The following ZNF280D variants were observed in gnomAD, a reference collection of about 807,000 sequenced individuals.
The protein encoded by ZNF280D is suppressor of hairy wing homolog 4.
Under a neutral mutation model 94.7 loss-of-function variants are expected in ZNF280D, and 39 were observed. That is an observed-to-expected ratio of 0.41 (90% CI 0.32 to 0.54). The LOEUF (loss-of-function observed/expected upper bound fraction) is 0.54. Among genes scored for constraint, ZNF280D ranks in the 20% least tolerant of loss-of-function variants. ZNF280D has a pLI of 0.22. For missense variants in ZNF280D, 1,090 were observed against 1,149.3 expected (o/e 0.95, Z 0.75); for synonymous variants, 398 against 377.6 (o/e 1.05, Z -0.63).
rs189064845 is a variant in ZNF280D at position 56,665,365 on chromosome 15, C to T, written c.1994+1030G>A. On this transcript the variant is annotated intron_variant, in intron 16 of 21. Transcript: ENST00000267807. ...TTTGCCTACTTAAAAAAAATACAAACCCATTCTGAAGGAATAAAGTATTCC... is the reference window on the plus strand; with the variant it reads ...TTTGCCTACTTAAAAAAAATACAAATCCATTCTGAAGGAATAAAGTATTCC... Among the ~76,000 whole-genome samples, 1,177 of 152,126 alleles carry T rather than the reference C, an allele frequency of 7.7e-3. 6 individuals are homozygous for T. The highest frequency in any genetic ancestry group is 0.013 in the Non-Finnish European group (885 of 67,994).
intron 6 of ZNF280D, among the ~76,000 whole-genome samples, chr15:56,695,671 A>C (rs2056706450): frequency 6.6e-6 from 1 of 151,866 alleles, no homozygotes. Context: ...CCGGGACTAC[A>C]GGTGCACACC....
Position 56,666,660 on chromosome 15 carries a change from A to G in ZNF280D, c.1853+19T>C. 2 of 1,566,332 alleles carry G rather than the reference A, an allele frequency of 1.3e-6. No individual in the cohort carries two copies. Among genetic ancestry groups the G allele is most frequent in the Non-Finnish European group, 1.7e-6 (2 of 1,158,916 alleles). ...TACTTAAGTTTAAATTATATTGTATATCAGGAATAAAAGATTACCTTAAAT... is the reference window on the plus strand; with the variant it reads ...TACTTAAGTTTAAATTATATTGTATGTCAGGAATAAAAGATTACCTTAAAT... On this transcript the variant is annotated intron_variant, in intron 15 of 21. Transcript: ENST00000267807.
chr15:56,716,438 T>A (rs1018094941), intron 1 of ZNF280D, among the ~76,000 whole-genome samples: 1 of 149,944 alleles, frequency 6.7e-6, no homozygotes, highest in East Asian at 2.0e-4. Flanking sequence ...AGGAACTGAA[T>A]GTGCAAAAGA....
At chr15:56,665,703 CAA>C (rs71113013) in intron 16 of ZNF280D, among the ~76,000 whole-genome samples, 3 of 86,416 alleles carry the variant, frequency 3.5e-5, no homozygotes, top group Admixed American at 2.9e-4. Context: ...GACTCCGTCT[CAA>C]AAAAAAAAAA....
chr15:56,699,582 T>G, intron 6 of ZNF280D: 2 of 827,922 alleles, frequency 2.4e-6, no homozygotes, highest in Non-Finnish European at 2.9e-6. Flanking sequence ...TTGGAGAGTT[T>G]TGAGTCAATA....
intron 13 of ZNF280D, among the ~76,000 whole-genome samples, chr15:56,670,593 G>C (rs1271957944): frequency 1.3e-5 from 2 of 152,034 alleles, no homozygotes; most frequent in East Asian, 1.9e-4. Context: ...GTCCACCACT[G>C]ATGGGCATCT....
At chr15:56,643,163 G>T (rs926561068) in intron 19 of ZNF280D, 166 bp from the exon 20 acceptor site, 9 of 417,490 alleles carry the variant, frequency 2.2e-5, no homozygotes. Flanking sequence ...TAAGGTAAAA[G>T]TTAAACGTAT....
intron 13 of ZNF280D, among the ~76,000 whole-genome samples, chr15:56,676,271 A>C (rs1193477290): frequency 6.6e-6 from 1 of 151,918 alleles, no homozygotes; most frequent in Non-Finnish European, 1.5e-5. Flanking sequence ...AACGAAAAAT[A>C]AGATTATAAA....
chr15:56,631,623 T>C lies in ZNF280D; in HGVS notation c.2815A>G (p.Ser939Gly). 2 of 1,614,118 alleles carry C rather than the reference T, an allele frequency of 1.2e-6. No homozygotes were observed. Among genetic ancestry groups the C allele is most frequent in the Non-Finnish European group, 1.7e-6 (2 of 1,179,980 alleles). ...YEATEILQKG[S>G]GDPSAKTDEV... is the part of the protein sequence containing the mutation. ...TCAGTCTTGGCTGAAGGATCACCAC[T>C]ACCTTTCTGAAGAATCTCTGTGGCT... Residue 939 changes from serine (S) to glycine (G), a missense_variant, in exon 22 of 22, where the codon AGT becomes GGT. Physicochemically the swap from Ser to Gly is moderately conservative, Grantham distance 56. Coordinates refer to ENST00000267807, the MANE Select transcript of ZNF280D (RefSeq NM_017661.4).
intron 1 of ZNF280D, among the ~76,000 whole-genome samples, chr15:56,720,665 G>A (rs1210970634): frequency 2.0e-5 from 3 of 152,150 alleles, no homozygotes; most frequent in African/African-American, 7.2e-5. Context: ...TGAACTGAAA[G>A]TTGAAATGAC....
chr15:56,718,132 A>C (rs1485855431), intron 1 of ZNF280D, among the ~76,000 whole-genome samples: 1 of 152,142 alleles, frequency 6.6e-6, no homozygotes, highest in Non-Finnish European at 1.5e-5. Flanking sequence ...AAAAAATTCT[A>C]ATTAGAAATG....
intron 19 of ZNF280D, chr15:56,653,366 G>C: frequency 1.6e-6 from 2 of 1,261,930 alleles, no homozygotes; most frequent in Non-Finnish European, 2.0e-6. Flanking sequence ...CAATTTGGTG[G>C]GCCTTAAAGC....
Position 56,635,226 on chromosome 15 carries a change from C to A in ZNF280D, c.2284G>T (p.Glu762Ter). 1 of 1,556,888 alleles carries A rather than the reference C, an allele frequency of 6.4e-7. No homozygotes were observed. The highest frequency in any genetic ancestry group is 8.7e-7 in the Non-Finnish European group (1 of 1,154,330). The change falls in exon 21 of 22, where the codon GAA becomes TAA. Residue 762 changes from glutamate to a stop codon, truncating the protein, a stop_gained. Coordinates refer to ENST00000267807, the MANE Select transcript of ZNF280D (RefSeq NM_017661.4). LOFTEE classifies it low-confidence loss of function (END_TRUNC). ...GAATTTGATGTTTCTGTTTCTCTTT[C>A]AGCCATGTTAGGTCTTGCAATTTCC... is the stretch of plus-strand genomic sequence containing the variant. ...SKEIARPNMA[E>*]RETETSNSES...
intron 1 of ZNF280D, among the ~76,000 whole-genome samples, chr15:56,711,389 G>C (rs2057750305): frequency 6.6e-6 from 1 of 152,144 alleles, no homozygotes; most frequent in Non-Finnish European, 1.5e-5. Flanking sequence ...TCGAGGCCAG[G>C]CATGGTGGCT....
chr15:56,705,465 T>C (rs764403949), intron 3 of ZNF280D, among the ~76,000 whole-genome samples: 2 of 152,180 alleles, frequency 1.3e-5, no homozygotes, highest in Non-Finnish European at 2.9e-5. Context: ...TTCAAATCTT[T>C]CCTCCACTGT....
Position 56,668,936 on chromosome 15 carries a change from T to C in ZNF280D, c.1432A>G (p.Thr478Ala), listed in dbSNP as rs772814572. The C allele has an allele frequency of 1.9e-6, 3 of 1,610,470 alleles. No individual in the cohort carries two copies. The highest frequency in any genetic ancestry group is 2.5e-6 in the Non-Finnish European group (3 of 1,178,662). ...KHQKKGIHRC[T>A]KCRLQFLTCK... ...GTCAAAAACTGCAGCCTGCATTTTGTACAACGATGTATTCCTTTTTTCTGT... is the reference window on the plus strand; with the variant it reads ...GTCAAAAACTGCAGCCTGCATTTTGCACAACGATGTATTCCTTTTTTCTGT... Residue 478 changes from threonine to alanine, a missense_variant, in exon 14 of 22, where the codon ACA becomes GCA. Coordinates refer to ENST00000267807, the MANE Select transcript of ZNF280D (RefSeq NM_017661.4).
chr15:56,731,701 G>A (rs2058899765), intron 1 of ZNF280D, among the ~76,000 whole-genome samples: 1 of 152,056 alleles, frequency 6.6e-6, no homozygotes, highest in Non-Finnish European at 1.5e-5. Context: ...ATTTAGGGCT[G>A]AACTGTCATA....
intron 3 of ZNF280D, among the ~76,000 whole-genome samples, chr15:56,706,143 C>A (rs1235579893): frequency 7.6e-6 from 1 of 132,166 alleles, no homozygotes. Flanking sequence ...GATTAGGACA[C>A]AGACACAAGC....
chr15:56,680,289 T>C (rs1596475050), intron 10 of ZNF280D, among the ~76,000 whole-genome samples: 1 of 152,186 alleles, frequency 6.6e-6, no homozygotes, highest in South Asian at 2.1e-4. Flanking sequence ...TAAAATATTA[T>C]ATAATACATT....
Sources: gnomAD v4.1 joint callset for allele counts (sites outside exome capture counted in the v4.1 genomes callset) on GRCh38, gnomAD v4.1.1 for gene constraint, MANE v1.5 for transcripts, NCBI Gene and HGNC (gene_info 2026-07-23, HGNC 2026-07-21) for gene names.